The following GPR19 variants were observed in gnomAD, a reference collection of about 807,000 sequenced individuals.
GPR19 encodes probable G protein-coupled receptor 19.
Under a neutral mutation model 28.5 loss-of-function variants are expected in GPR19, and 14 were observed. The ratio of observed to expected loss-of-function variants is 0.49; its 90% confidence interval spans 0.32 to 0.77. GPR19 has a LOEUF of 0.77. Among genes scored for constraint, GPR19 ranks in the 30% least tolerant of loss-of-function variants. The pLI is 0.03. For synonymous variants in GPR19, 173 were observed against 184.1 expected (o/e 0.94, Z 0.49); for missense variants, 409 against 504.1 (o/e 0.81, Z 1.81).
At chr12:12,717,216 G>GGCTCCGGCTAACTCT in the GPR19 span, 1 of 1,048,364 alleles carries the variant, frequency 9.5e-7, no homozygotes, top group Non-Finnish European at 1.2e-6. Context: ...CGGCGCTCGG[G>GGCTCCGGCTAACTCT]GAGGCGGCGC....
At chr12:12,697,170 A>AAAAAAAAAAAAAAAAAC (rs1565413588), upstream of GPR19, among the ~76,000 whole-genome samples, 1 of 149,478 alleles carries the variant, frequency 6.7e-6, no homozygotes, top group Non-Finnish European at 1.5e-5. Flanking sequence ...AAAAAAAAAA[A>AAAAAAAAAAAAAAAAAC]AAAAAAAGCA....
chr12:12,676,747 G>A (rs910918108), intron 3 of GPR19, among the ~76,000 whole-genome samples: 1 of 152,158 alleles, frequency 6.6e-6, no homozygotes, highest in Non-Finnish European at 1.5e-5. Context: ...GTTTCTACAC[G>A]TTTCTTCCCA....
chr12:12,685,724 T>G (rs1024123840), intron 2 of GPR19, among the ~76,000 whole-genome samples: 1 of 152,232 alleles, frequency 6.6e-6, no homozygotes, highest in Non-Finnish European at 1.5e-5. Context: ...CATCCTCCAC[T>G]GCTTCTTTCC....
upstream of GPR19, among the ~76,000 whole-genome samples, chr12:12,697,153 TAAAAA>T (rs386375639): frequency 2.9e-4 from 14 of 48,846 alleles, no homozygotes; most frequent in South Asian, 2.9e-3. Context: ...TGAAGCGAAG[TAAAAA>T]AAAAAAAAAA....
intron 3 of GPR19, among the ~76,000 whole-genome samples, chr12:12,669,231 C>T (rs1010091304): frequency 1.3e-5 from 2 of 152,176 alleles, no homozygotes; most frequent in African/African-American, 4.8e-5. Flanking sequence ...ATCAAAAGTG[C>T]GCCAGACATG....
the GPR19 span, chr12:12,715,961 G>C: frequency 6.6e-6 from 1 of 152,246 alleles, no homozygotes; most frequent in Admixed American, 6.5e-5. Flanking sequence ...AGGTGCTTAA[G>C]AAAACTTTGC....
the GPR19 span, chr12:12,715,052 C>T: frequency 6.6e-6 from 1 of 152,150 alleles, no homozygotes; most frequent in Non-Finnish European, 1.5e-5. Flanking sequence ...GTTTATTTTC[C>T]ACTTCCATAT....
Position 12,684,519 on chromosome 12 carries a change from A to T in GPR19, c.-179-12T>A, listed in dbSNP as rs1459047735. The T allele has an allele frequency of 6.6e-6, 1 of 152,188 alleles. No individual in the cohort carries two copies. Among genetic ancestry groups the T allele is most frequent in the Non-Finnish European group, 1.5e-5 (1 of 68,088 alleles). 9.4% of individuals were successfully genotyped at this position (152,188 alleles called of 1,614,324 possible). The stretch of plus-strand genomic sequence containing the variant: ...TCACAGCCTGCTTCCTGTTAGGGAG[A>T]CAAGATGACGCTGTGCAGGGTAGAC... On this transcript the variant is annotated splice_polypyrimidine_tract_variant and intron_variant, in intron 2 of 3. Coordinates refer to ENST00000651487, the MANE Select transcript of GPR19 (RefSeq NM_006143.3).
chr12:12,715,260 G>A, the GPR19 span, among the ~76,000 whole-genome samples: 1 of 152,154 alleles, frequency 6.6e-6, no homozygotes, highest in Non-Finnish European at 1.5e-5. Flanking sequence ...ATAAATTATG[G>A]TAGGGAGGCC....
chr12:12,686,938 T>G (rs1292237533), intron 2 of GPR19, among the ~76,000 whole-genome samples: 2 of 152,204 alleles, frequency 1.3e-5, no homozygotes, highest in Non-Finnish European at 2.9e-5. Flanking sequence ...ACCCAAAATT[T>G]TATTAAGGAT....
Position 12,678,953 on chromosome 12 carries a change from C to T in GPR19, c.-23+5398G>A, listed in dbSNP as rs148745196. Among the ~76,000 whole-genome samples, 260 of 152,194 alleles carry T rather than the reference C, an allele frequency of 1.7e-3. 4 individuals carry two copies. Among genetic ancestry groups the T allele is most frequent in the East Asian group, 0.014 (71 of 5,164 alleles). On this transcript the variant is annotated intron_variant, in intron 3 of 3. Transcript: ENST00000651487. Reference sequence around the variant, plus strand: ...CTGGAATTACAGGTGCACGCCACCACGCCCAGCTAATTTTTGTATTTTTTG... The same window carrying T: ...CTGGAATTACAGGTGCACGCCACCATGCCCAGCTAATTTTTGTATTTTTTG...
chr12:12,678,872 C>T (rs951898822), intron 3 of GPR19, among the ~76,000 whole-genome samples: 1 of 152,204 alleles, frequency 6.6e-6, no homozygotes, highest in Non-Finnish European at 1.5e-5. Flanking sequence ...TCCCAACTCA[C>T]TACAGCCTCT....
chr12:12,665,963 C>A (rs1175094976), intron 3 of GPR19, among the ~76,000 whole-genome samples: 1 of 151,574 alleles, frequency 6.6e-6, no homozygotes, highest in Non-Finnish European at 1.5e-5. Context: ...AAAATAGGGA[C>A]CCAGTTTTGC....
upstream of GPR19, among the ~76,000 whole-genome samples, chr12:12,697,896 A>G (rs1235119876): frequency 6.6e-6 from 1 of 152,216 alleles, no homozygotes; most frequent in African/African-American, 2.4e-5. Context: ...GACTTGGTTA[A>G]GGTAAGGTGA....
chr12:12,671,731 C>G (rs1945857753), intron 3 of GPR19, among the ~76,000 whole-genome samples: 1 of 152,192 alleles, frequency 6.6e-6, no homozygotes, highest in African/African-American at 2.4e-5. Flanking sequence ...GACTATTACT[C>G]TCCTATCACA....
intron 2 of GPR19, among the ~76,000 whole-genome samples, chr12:12,686,789 C>T (rs1205858309): frequency 6.6e-6 from 1 of 151,992 alleles, no homozygotes; most frequent in Admixed American, 6.6e-5. Flanking sequence ...TACTATGGCC[C>T]CTTGACATAA....
intron 3 of GPR19, among the ~76,000 whole-genome samples, chr12:12,680,968 C>T (rs1341510986): frequency 2.6e-5 from 4 of 152,184 alleles, no homozygotes; most frequent in Admixed American, 2.0e-4. Flanking sequence ...GGATTACAGG[C>T]GTGAGCAACC....
At position 12,661,862 on chromosome 12, in the gene GPR19, G is replaced by A. The variant is rs777902321; in HGVS notation, c.587C>T (p.Thr196Ile). 6.2e-7 allele frequency: 1 copy of A among 1,614,004 alleles called. No homozygotes were observed. The highest frequency in any genetic ancestry group is 8.5e-7 in the Non-Finnish European group (1 of 1,180,050). The change falls in exon 4 of 4, where the codon ACC (threonine) becomes ATC (isoleucine). Residue 196 changes from threonine (T) to isoleucine (I), a missense_variant. Transcript: ENST00000651487. This position sits in a 1 kb window ranked among gnomAD's most constrained non-coding sequence, Gnocchi z 4.2. ...GGAGCCATAGAAAAAGAGCACAGGG[G>A]TCACAAAGCCTGCATCAAAGACCCA... Reference protein sequence around the residue: ...ASWVFDAGFVTPVLFFYGSNW... With the variant: ...ASWVFDAGFVIPVLFFYGSNW...
chr12:12,715,280 T>C, the GPR19 span, among the ~76,000 whole-genome samples: 5 of 152,208 alleles, frequency 3.3e-5, no homozygotes, highest in African/African-American at 1.2e-4. Context: ...CTACCCTAAT[T>C]TTCCTGTTCC....
Sources: allele counts gnomAD v4.1 joint callset (sites outside exome capture counted in the v4.1 genomes callset), GRCh38; gene constraint gnomAD v4.1.1; non-coding constraint Gnocchi (gnomAD v3.1); transcripts MANE v1.5; gene names NCBI Gene and HGNC (gene_info 2026-07-23, HGNC 2026-07-21).